Variants in PLEKHM3 observed in about 807,000 individuals in gnomAD.
PLEKHM3 encodes the protein pleckstrin homology domain containing M3, also known as pleckstrin homology domain-containing family M member 3.
PLEKHM3 carries 45 observed loss-of-function variants against 81.8 expected under a neutral mutation model. That is an observed-to-expected ratio of 0.55 (90% CI 0.43 to 0.71). PLEKHM3 has a LOEUF of 0.71. PLEKHM3 is among the 30% of genes least tolerant of loss of function. The pLI is 0.00. For synonymous variants in PLEKHM3, 352 were observed against 356.4 expected (o/e 0.99, Z 0.14); for missense variants, 788 against 924.3 (o/e 0.85, Z 1.91).
At chr2:208,007,424 C>G (rs774151539) in intron 1 of PLEKHM3, among the ~76,000 whole-genome samples, 3 of 151,976 alleles carry the variant, frequency 2.0e-5, no homozygotes, top group Non-Finnish European at 4.4e-5. Context: ...ACAGGCATGC[C>G]GCAAGCAGCT....
chr2:207,863,854 GATAA>G (rs1306885052), intron 6 of PLEKHM3, among the ~76,000 whole-genome samples: 5 of 151,756 alleles, frequency 3.3e-5, no homozygotes, highest in Non-Finnish European at 7.4e-5. Context: ...ATGAAAAAGA[GATAA>G]ATAAATATAA....
At chr2:207,900,988 G>T in intron 6 of PLEKHM3, 1 of 436,510 alleles carries the variant, frequency 2.3e-6, no homozygotes, top group South Asian at 4.7e-5. Flanking sequence ...TGCATGCCAA[G>T]GGACTCCCAG....
Position 207,985,035 on chromosome 2 carries a change from G to A in PLEKHM3, c.611-7449C>T, listed in dbSNP as rs186735473. On this transcript the variant is annotated intron_variant, in intron 2 of 7. Coordinates refer to ENST00000427836, the MANE Select transcript of PLEKHM3 (RefSeq NM_001080475.3). Reference sequence around the variant, plus strand: ...TCACAGGTGGTTGTCCCACTTCTACGGATGTTAAGATAATTAGGGGGTTCA... The same window carrying A: ...TCACAGGTGGTTGTCCCACTTCTACAGATGTTAAGATAATTAGGGGGTTCA... Among the ~76,000 whole-genome samples the A allele has an allele frequency of 2.5e-3, 379 of 151,620 alleles. 2 individuals carry two copies. The highest frequency in any genetic ancestry group is 8.5e-3 in the African/African-American group (351 of 41,336).
intron 2 of PLEKHM3, among the ~76,000 whole-genome samples, chr2:207,984,909 T>G (rs1691665199): frequency 2.0e-5 from 3 of 152,160 alleles, no homozygotes; most frequent in Admixed American, 2.0e-4. Flanking sequence ...CCATGTTTTC[T>G]GTCAACTGCT....
chr2:207,908,851 C>T (rs999865675), intron 5 of PLEKHM3, among the ~76,000 whole-genome samples: 2 of 152,150 alleles, frequency 1.3e-5, no homozygotes, highest in Non-Finnish European at 2.9e-5. Context: ...GTCTGAGGAC[C>T]AGAACATCAG....
chr2:207,966,512 T>G (rs1690913038), intron 3 of PLEKHM3, among the ~76,000 whole-genome samples: 1 of 152,220 alleles, frequency 6.6e-6, no homozygotes, highest in African/African-American at 2.4e-5. Flanking sequence ...TGCTACGGTT[T>G]TTAGCTCCTT....
intron 3 of PLEKHM3, among the ~76,000 whole-genome samples, chr2:207,947,106 C>T (rs569463841): frequency 1.3e-5 from 2 of 152,270 alleles, no homozygotes; most frequent in African/African-American, 4.8e-5. Flanking sequence ...GGAATTTGGC[C>T]TCTGATTGGC....
rs777643534 is a variant in PLEKHM3, at chr2:207,976,652, T to C, written c.1545A>G (p.Ala515=). Reference sequence around the variant, plus strand: ...ATAGGCTGAAAATCTGCTTCATACCTGCACATTTGAAACTCTGAGCAGTGA... The same window carrying C: ...ATAGGCTGAAAATCTGCTTCATACCCGCACATTTGAAACTCTGAGCAGTGA... ...RGLTAQSFKC[A]GCQRSIGLSN... The change falls in exon 3 of 8, where the codon GCA becomes GCG. Residue 515 remains alanine (A), a splice_region_variant and synonymous_variant. Coordinates refer to ENST00000427836, the MANE Select transcript of PLEKHM3 (RefSeq NM_001080475.3). This position sits in a 1 kb window ranked among gnomAD's most constrained non-coding sequence, Gnocchi z 4.1. 6.2e-6 allele frequency: 10 copies of C among 1,611,882 alleles called. No individual in the cohort carries two copies. Among genetic ancestry groups the C allele is most frequent in the Non-Finnish European group, 8.5e-7 (1 of 1,178,766 alleles).
intron 2 of PLEKHM3, among the ~76,000 whole-genome samples, chr2:207,982,444 A>C (rs1691563167): frequency 1.3e-5 from 2 of 151,748 alleles, no homozygotes; most frequent in African/African-American, 4.8e-5. Flanking sequence ...TCATTTTTTA[A>C]TTTTTTATAG....
chr2:207,906,213 C>T (rs112344352), intron 6 of PLEKHM3, among the ~76,000 whole-genome samples: 18 of 152,298 alleles, frequency 1.2e-4, no homozygotes, highest in African/African-American at 4.1e-4. Context: ...TCAGGCACTA[C>T]GATCAGGTAG....
intron 7 of PLEKHM3, among the ~76,000 whole-genome samples, chr2:207,830,966 G>A (rs555337739): frequency 6.6e-6 from 1 of 152,278 alleles, no homozygotes; most frequent in East Asian, 1.9e-4. Flanking sequence ...CGCAAGTCAC[G>A]TCGCCTTTCT....
At chr2:207,960,030 G>C (rs1180417659) in intron 3 of PLEKHM3, among the ~76,000 whole-genome samples, 1 of 152,104 alleles carries the variant, frequency 6.6e-6, no homozygotes, top group Non-Finnish European at 1.5e-5. Flanking sequence ...TATACATTTA[G>C]TATTTGCAAT....
At chr2:207,971,067 A>C (rs944978303) in intron 3 of PLEKHM3, among the ~76,000 whole-genome samples, 1 of 152,226 alleles carries the variant, frequency 6.6e-6, no homozygotes, top group Non-Finnish European at 1.5e-5. Context: ...ACTGCCCTAC[A>C]GTGGGCCATC....
intron 3 of PLEKHM3, among the ~76,000 whole-genome samples, chr2:207,961,713 G>T (rs1002559261): frequency 2.6e-5 from 4 of 152,286 alleles, no homozygotes; most frequent in Admixed American, 6.5e-5. Context: ...CTCTGAGAGG[G>T]CTGCAGACAA....
At chr2:208,021,895 T>A (rs1325376136) in intron 1 of PLEKHM3, among the ~76,000 whole-genome samples, 1 of 152,254 alleles carries the variant, frequency 6.6e-6, no homozygotes, top group Non-Finnish European at 1.5e-5. Flanking sequence ...CTTTTTAGTG[T>A]CTATATAACA....
In PLEKHM3 at chr2:207,938,968, C is replaced by T. The variant is rs972051691; in HGVS notation, c.1692+7399G>A. On this transcript the variant is annotated intron_variant, in intron 4 of 7. Coordinates refer to ENST00000427836, the MANE Select transcript of PLEKHM3 (RefSeq NM_001080475.3). Reference sequence around the variant, plus strand: ...CCATTTCATGCCATCATCAACCATGCTTGCCTTTTCATTTTTCTTATTCAG... The same window carrying T: ...CCATTTCATGCCATCATCAACCATGTTTGCCTTTTCATTTTTCTTATTCAG... 3.9e-5 allele frequency among the ~76,000 whole-genome samples: 6 copies of T among 152,128 alleles called. 1 individual carries two copies. The highest frequency in any genetic ancestry group is 1.4e-4 in the African/African-American group (6 of 41,438).
intron 2 of PLEKHM3, among the ~76,000 whole-genome samples, chr2:207,999,497 T>C (rs901140086): frequency 1.3e-5 from 2 of 152,050 alleles, no homozygotes; most frequent in Non-Finnish European, 2.9e-5. Context: ...TCCCAGCTAC[T>C]TGAGAGGCTG....
intron 2 of PLEKHM3, among the ~76,000 whole-genome samples, chr2:207,998,195 T>A (rs1692182766): frequency 6.6e-6 from 1 of 152,176 alleles, no homozygotes; most frequent in African/African-American, 2.4e-5. Flanking sequence ...ACATTCGCTA[T>A]CTCCTGGATG....
intron 6 of PLEKHM3, among the ~76,000 whole-genome samples, chr2:207,896,172 G>A (rs1688217046): frequency 6.6e-6 from 1 of 152,238 alleles, no homozygotes. Flanking sequence ...CCTAGAGCTG[G>A]AAGGGGCTGT....
Sources: gnomAD v4.1 joint callset for allele counts (sites outside exome capture counted in the v4.1 genomes callset) on GRCh38, gnomAD v4.1.1 for gene constraint, Gnocchi (gnomAD v3.1) non-coding constraint, MANE v1.5 for transcripts, NCBI Gene and HGNC (gene_info 2026-07-23, HGNC 2026-07-21) for gene names.